SECISBP2: variants seen among roughly 807,000 people sequenced by gnomAD.
SECISBP2 encodes selenocysteine insertion sequence-binding protein 2.
Under a neutral mutation model 98.2 loss-of-function variants are expected in SECISBP2, and 96 were observed. That is an observed-to-expected ratio of 0.98 (90% CI 0.83 to 1.16). SECISBP2 has a LOEUF of 1.16. Among genes scored for constraint, SECISBP2 ranks in the 50% most tolerant of loss-of-function variants. The probability of loss-of-function intolerance (pLI) is 0.00; values close to 1 mark genes in which losing one functional copy is unlikely to be tolerated. For synonymous variants in SECISBP2, 407 were observed against 370.2 expected (o/e 1.10, Z -1.14); for missense variants, 1,046 against 1,022.9 (o/e 1.02, Z -0.31).
intron 14 of SECISBP2, among the ~76,000 whole-genome samples, chr9:89,351,295 T>C (rs1312454429): frequency 6.6e-6 from 1 of 152,258 alleles, no homozygotes; most frequent in East Asian, 1.9e-4. Context: ...TGGCTTTGTC[T>C]AAATACTTTG....
chr9:89,333,088 A>C (rs1439815806), intron 6 of SECISBP2, 102 bp downstream of exon 6: 5 of 970,476 alleles, frequency 5.2e-6, no homozygotes, highest in Non-Finnish European at 8.1e-6. Flanking sequence ...GTAAAGACTT[A>C]AGACAGCTAA....
Position 89,326,142 on chromosome 9 carries a change from T to C in SECISBP2, c.574+104T>C, listed in dbSNP as rs1287909451. ...TTTCTATGGGCTTGTTCATTGTGAC[T>C]ACTCCAAGAAATGAGACCTGGGTCT... On this transcript the variant is annotated intron_variant, in intron 4 of 16. Transcript: ENST00000375807. 4 of 1,401,900 alleles carry C rather than the reference T, an allele frequency of 2.9e-6. No homozygotes were observed. In the African/African-American group the frequency reaches 4.2e-5, roughly 15 times the overall value. 86.8% of individuals were successfully genotyped at this position (1,401,900 alleles called of 1,614,324 possible). A position where few individuals can be genotyped will look rare whatever the true frequency, so the allele number is the denominator to read the frequency against.
At chr9:89,355,630 A>G (rs1336281466) in intron 14 of SECISBP2, 2 of 884,630 alleles carry the variant, frequency 2.3e-6, no homozygotes, top group Middle Eastern at 5.8e-4. Context: ...TAGGTGTTTT[A>G]TATATTGGTA....
chr9:89,318,722 T>C (rs1825136486), intron 1 of SECISBP2, 110 bp downstream of exon 1: 1 of 1,256,670 alleles, frequency 8.0e-7, no homozygotes, highest in South Asian at 1.9e-5. Context: ...GGTCGGATGC[T>C]GGTGACGGCA....
chr9:89,320,225 G>A (rs1825493522), intron 2 of SECISBP2, among the ~76,000 whole-genome samples: 1 of 151,778 alleles, frequency 6.6e-6, no homozygotes, highest in Non-Finnish European at 1.5e-5. Flanking sequence ...GTATGGTGGC[G>A]GACACCTGTA....
the SECISBP2 span, among the ~76,000 whole-genome samples, chr9:89,366,906 C>T: frequency 3.3e-5 from 5 of 152,154 alleles, no homozygotes; most frequent in Non-Finnish European, 7.3e-5. Context: ...ATGACCAAGC[C>T]CTTGAGACTA....
chr9:89,325,605 G>A lies in SECISBP2; in HGVS notation c.361G>A (p.Gly121Ser). 1 of 1,614,064 alleles carries A rather than the reference G, an allele frequency of 6.2e-7. No individual in the cohort carries two copies. The highest frequency in any genetic ancestry group is 8.5e-7 in the Non-Finnish European group (1 of 1,180,000). The change falls in exon 3 of 17, where the codon GGT becomes AGT. Residue 121 changes from glycine to serine, a missense_variant. Coordinates refer to ENST00000375807, the MANE Select transcript of SECISBP2 (RefSeq NM_024077.5). ...YLYNQPSCYR[G>S]FQTVKHRNEN... ...TTATAACCAACCCAGTTGTTACCGA[G>A]GTTTTCAAACAGTGAAGCATCGAAA... is the stretch of plus-strand genomic sequence containing the variant.
intron 11 of SECISBP2, 94 bp downstream of exon 11, chr9:89,347,142 C>A: frequency 7.7e-7 from 1 of 1,294,744 alleles, no homozygotes; most frequent in Non-Finnish European, 1.1e-6. Context: ...TTAGATTTTA[C>A]GACTTGTATT....
intron 4 of SECISBP2, among the ~76,000 whole-genome samples, chr9:89,328,052 C>G (rs1827073917): frequency 6.6e-6 from 1 of 152,232 alleles, no homozygotes; most frequent in African/African-American, 2.4e-5. Flanking sequence ...CTGCCTGCCT[C>G]AGCCTCCCGA....
chr9:89,362,322 C>T, downstream of SECISBP2: 1 of 1,613,194 alleles, frequency 6.2e-7, no homozygotes, highest in Non-Finnish European at 8.5e-7. Context: ...GGGACCAGGC[C>T]TTCTCCGGGG....
chr9:89,334,405 A>G (rs1468911897), intron 6 of SECISBP2, 117 bp from the exon 7 acceptor site: 11 of 924,846 alleles, frequency 1.2e-5, no homozygotes, highest in Non-Finnish European at 1.9e-5. Context: ...GTTTTAAATG[A>G]TAGCCTACAT....
chr9:89,355,697 C>T (rs1390433290), intron 14 of SECISBP2: 5 of 327,662 alleles, frequency 1.5e-5, no homozygotes, highest in East Asian at 1.7e-4. Flanking sequence ...CCCACTCCAG[C>T]GTTTAAAAGG....
In SECISBP2 at chr9:89,338,465, CATCACAAGGTAGT is replaced by C. The variant is rs760443021; in HGVS notation, c.1098_1110del (p.Ser367ThrfsTer25). On this transcript the variant is annotated frameshift_variant, in exon 8 of 17. Transcript: ENST00000375807. LOFTEE classifies it high-confidence loss of function. ...TTTGATTTTCTGTTCTAGTCTAAAG[CATCACAAGGTAGT>C]GACCTTGAACAAAATGAAGCCTCAA... The C allele has an allele frequency of 6.2e-7, 1 of 1,613,402 alleles. No homozygotes were observed. The highest frequency in any genetic ancestry group is 8.5e-7 in the Non-Finnish European group (1 of 1,179,882).
intron 7 of SECISBP2, among the ~76,000 whole-genome samples, chr9:89,337,659 C>G (rs1162911794): frequency 6.6e-6 from 1 of 152,168 alleles, no homozygotes; most frequent in Non-Finnish European, 1.5e-5. Flanking sequence ...TAAGCATATT[C>G]TTTTTAATAG....
intron 4 of SECISBP2, 74 bp downstream of exon 4, chr9:89,326,112 A>G (rs1826659318): frequency 1.3e-6 from 2 of 1,554,414 alleles, no homozygotes; most frequent in Non-Finnish European, 1.8e-6. Context: ...CTATGTATAC[A>G]GCTGTTTCTA....
In SECISBP2 at chr9:89,341,439, T is replaced by A; in HGVS notation, c.1395T>A (p.Ser465=). 1 of 1,614,172 alleles carries A rather than the reference T, an allele frequency of 6.2e-7. No individual in the cohort carries two copies. The highest frequency in any genetic ancestry group is 1.1e-5 in the South Asian group (1 of 91,088). The part of the protein sequence containing the change: ...MLTALEKKQH[S]QHAKQSSKPV... ...CAGCCCTGGAGAAGAAGCAGCACTCTCAGCATGCAAAGCAGTCCTCCAAAC... is the reference window on the plus strand; with the variant it reads ...CAGCCCTGGAGAAGAAGCAGCACTCACAGCATGCAAAGCAGTCCTCCAAAC... The change falls in exon 10 of 17, where the codon TCT becomes TCA. Residue 465 remains serine, a synonymous_variant. Coordinates refer to ENST00000375807, the MANE Select transcript of SECISBP2 (RefSeq NM_024077.5).
chr9:89,362,250 T>C, downstream of SECISBP2: 1 of 1,332,062 alleles, frequency 7.5e-7, no homozygotes, highest in Non-Finnish European at 1.1e-6. Context: ...CCTCTGCCCA[T>C]CAGGTGGTGG....
intron 2 of SECISBP2, among the ~76,000 whole-genome samples, chr9:89,321,223 C>T (rs1190212330): frequency 6.6e-6 from 1 of 152,202 alleles, no homozygotes; most frequent in African/African-American, 2.4e-5. Flanking sequence ...AAATATATCT[C>T]AGTGACAAGA....
chr9:89,354,308 G>A (rs1174687373), intron 14 of SECISBP2, among the ~76,000 whole-genome samples: 1 of 152,222 alleles, frequency 6.6e-6, no homozygotes, highest in African/African-American at 2.4e-5. Flanking sequence ...TTTCAGCTGT[G>A]ACTTACTACA....
Sources: gnomAD v4.1 joint callset for allele counts (sites outside exome capture counted in the v4.1 genomes callset) on GRCh38, gnomAD v4.1.1 for gene constraint, MANE v1.5 for transcripts, NCBI Gene and HGNC (gene_info 2026-07-23, HGNC 2026-07-21) for gene names.